Variants in MICALL2 observed in about 807,000 individuals in gnomAD.
The protein encoded by MICALL2 is MICAL-like protein 2.
Under a neutral mutation model 91.1 loss-of-function variants are expected in MICALL2, and 111 were observed. The ratio of observed to expected loss-of-function variants is 1.22; its 90% confidence interval spans 1.04 to 1.43. The LOEUF is 1.43. Ranked by LOEUF, MICALL2 falls within the 40% of genes most tolerant of loss-of-function variation. The pLI is 0.00. For missense variants in MICALL2, 1,556 were observed against 1,236.0 expected, an observed-to-expected ratio of 1.26 and a Z score of -3.88; for synonymous variants, 694 against 525.3, an observed-to-expected ratio of 1.32 and a Z score of -4.39.
intron 1 of MICALL2, among the ~76,000 whole-genome samples, chr7:1,455,661 C>T (rs1290606570): frequency 6.6e-6 from 1 of 151,926 alleles, no homozygotes; most frequent in Non-Finnish European, 1.5e-5. Context: ...GGGGCAGAGG[C>T]AGAACCAGGA....
Position 1,444,895 on chromosome 7 carries a change from CTGAG to C in MICALL2, c.1171_1174del (p.Leu391ValfsTer105), listed in dbSNP as rs755809521. On this transcript the variant is annotated frameshift_variant, in exon 6 of 17. Coordinates refer to ENST00000297508, the MANE Select transcript of MICALL2 (RefSeq NM_182924.4). LOFTEE classifies it high-confidence loss of function. ...CGTGGCTGCAGATGTGGAGCTTGAA[CTGAG>C]TGTGGTTTGAGGAGCTGCCACTCGG... 6.3e-7 allele frequency: 1 copy of C among 1,575,226 alleles called. No homozygotes were observed. Among genetic ancestry groups the C allele is most frequent in the South Asian group, 1.1e-5 (1 of 87,610 alleles).
chr7:1,450,740 G>C (rs1780794692), intron 1 of MICALL2, among the ~76,000 whole-genome samples: 1 of 152,230 alleles, frequency 6.6e-6, no homozygotes, highest in Non-Finnish European at 1.5e-5. Flanking sequence ...TCCCAGGGCA[G>C]GGGACGGCAC....
chr7:1,453,221 T>C (rs1193315330), intron 1 of MICALL2, among the ~76,000 whole-genome samples: 1 of 152,090 alleles, frequency 6.6e-6, no homozygotes, highest in Non-Finnish European at 1.5e-5. Context: ...ACAGGGTCTT[T>C]CTGGAGGTGA....
Position 1,445,330 on chromosome 7 carries a change from G to C in MICALL2, c.740C>G (p.Ser247Cys), listed in dbSNP as rs779224945. ...CAGACCCGTCAACTTGGGGCTTGCA[G>C]AGGCGGCTGCGGGGAGGTGGCTGGT... ...VCTSHLPAAA[S>C]ASPKLTGLVP... The change falls in exon 6 of 17, where the codon TCT (serine) becomes TGT (cysteine). Residue 247 changes from serine (S) to cysteine (C), a missense_variant. Physicochemically the swap from Ser to Cys is moderately radical, Grantham distance 112. Coordinates refer to ENST00000297508, the MANE Select transcript of MICALL2 (RefSeq NM_182924.4). 4 of 1,608,876 alleles carry C rather than the reference G, an allele frequency of 2.5e-6. No individual in the cohort carries two copies. In the African/African-American group the frequency reaches 4.0e-5, roughly 16 times the overall value.
chr7:1,439,026 T>C, intron 9 of MICALL2, 31 bp from the exon 10 acceptor site: 2 of 1,543,910 alleles, frequency 1.3e-6, no homozygotes, highest in South Asian at 2.3e-5. Flanking sequence ...AGAGCCACGC[T>C]TCAGAGCAGG....
At chr7:1,457,467 ACCTGTTC>A (rs1476807884) in intron 1 of MICALL2, among the ~76,000 whole-genome samples, 1 of 151,880 alleles carries the variant, frequency 6.6e-6, no homozygotes, top group Non-Finnish European at 1.5e-5. Context: ...TTATTCATTT[ACCTGTTC>A]CCTGTCTGTC....
rs538221357 is a variant in MICALL2, at chr7:1,436,792, G to T, written c.2541C>A (p.Thr847=). Residue 847 remains threonine (T), a synonymous_variant, in exon 15 of 17, where the codon ACC becomes ACA. Transcript: ENST00000297508. ...CCACGATGTCACTGCGGTCGTTCAC[G>T]GTGCTCACGTACTGCTCCAGCAGCT... ...EQELLEQYVS[T]VNDRSDIVDS... 2.3e-4 allele frequency: 367 copies of T among 1,608,930 alleles called. 4 individuals are homozygous for T. The South Asian group carries it at 3.0e-3, about 13-fold the overall frequency.
Position 1,445,110 on chromosome 7 carries a change from G to A in MICALL2, c.960C>T (p.Ala320=). The A allele has an allele frequency of 1.3e-6, 2 of 1,555,572 alleles. No homozygotes were observed. The highest frequency in any genetic ancestry group is 1.2e-5 in the South Asian group (1 of 84,812). ...SATSVHVRSP[A]RPSESRLAPT... ...GGGCCAGGCGGCTCTCAGAGGGCCT[G>A]GCTGGGCTCCTCACGTGGACGGACG... The change falls in exon 6 of 17, where the codon GCC becomes GCT. Residue 320 remains alanine (A), a synonymous_variant. Transcript: ENST00000297508.
At chr7:1,445,476 G>C (rs987188838) in intron 5 of MICALL2, 48 bp from the exon 6 acceptor site, 1 of 1,433,994 alleles carries the variant, frequency 7.0e-7, no homozygotes, top group Non-Finnish European at 9.2e-7. Flanking sequence ...CGCCCACCCC[G>C]CCACGCATTC....
intron 13 of MICALL2, 25 bp downstream of exon 13, chr7:1,437,865 G>C (rs772415078): frequency 1.3e-6 from 2 of 1,543,508 alleles, no homozygotes; most frequent in Non-Finnish European, 1.8e-6. Context: ...GGCCTTCGAG[G>C]AGGGGCCCAC....
chr7:1,453,570 C>A (rs1780912760), intron 1 of MICALL2, among the ~76,000 whole-genome samples: 1 of 152,152 alleles, frequency 6.6e-6, no homozygotes, highest in Admixed American at 6.5e-5. Context: ...CACCCCTGTC[C>A]TTGCCGGACA....
intron 6 of MICALL2, among the ~76,000 whole-genome samples, chr7:1,443,211 G>A (rs1405765589): frequency 1.4e-5 from 2 of 145,508 alleles, no homozygotes; most frequent in Non-Finnish European, 3.0e-5. Flanking sequence ...CCACCACCTA[G>A]GAAGCACTCC....
chr7:1,447,952 C>A (rs888393410), intron 3 of MICALL2, 187 bp from the exon 4 acceptor site: 7 of 438,550 alleles, frequency 1.6e-5, no homozygotes, highest in Non-Finnish European at 2.8e-5. Flanking sequence ...CCACTCCTTC[C>A]CTCCCCACTC....
At position 1,438,686 on chromosome 7, in the gene MICALL2, G is replaced by A. The variant is rs148413839; in HGVS notation, c.2122+154C>T. The A allele has an allele frequency of 4.5e-3, 6,632 of 1,462,970 alleles. 49 individuals are homozygous for A. Among genetic ancestry groups the A allele is most frequent in the Middle Eastern group, 0.017 (87 of 4,988 alleles). The allele number at this position is 1,462,970 out of a possible 1,614,324, so 90.6% of individuals were successfully genotyped here. The stretch of plus-strand genomic sequence containing the variant: ...AGCTAGGGTCTCTATTCATGAGGGC[G>A]GGCCTGGGGCACGGGGCTGGGTCCT... On this transcript the variant is annotated intron_variant, in intron 10 of 16. Coordinates refer to ENST00000297508, the MANE Select transcript of MICALL2 (RefSeq NM_182924.4).
intron 6 of MICALL2, among the ~76,000 whole-genome samples, chr7:1,443,882 G>A (rs1000415761): frequency 5.3e-5 from 8 of 152,162 alleles, no homozygotes; most frequent in South Asian, 4.1e-4. Context: ...CTGATGCAGC[G>A]CCCCCCTCTA....
Position 1,438,550 on chromosome 7 carries a change from T to C in MICALL2, c.2123-197A>G, listed in dbSNP as rs74301179. ...GTGGCCTCCAGGCCCAGCCCCACCC[T>C]GCACCCTGCCCTCCTCCAGGTCAGC... On this transcript the variant is annotated intron_variant, in intron 10 of 16. Transcript: ENST00000297508. 29,725 of 1,428,476 alleles carry C rather than the reference T, an allele frequency of 0.021. 674 individuals carry two copies. Among genetic ancestry groups the C allele is most frequent in the East Asian group, 0.13 (5,008 of 39,610 alleles). The allele number at this position is 1,428,476 out of a possible 1,614,324, so 88.5% of individuals were successfully genotyped here.
chr7:1,448,731 T>C lies in MICALL2; in HGVS notation c.223A>G (p.Ile75Val). ...AFRVAEEHLGIPALLDAEDMV... is the reference protein window; with the variant it reads ...AFRVAEEHLGVPALLDAEDMV... ...TCCTCGGCATCCAGCAAGGCTGGGA[T>C]GCCCAAGTGCTCCTCGGCCACGCGG... is the stretch of plus-strand genomic sequence containing the variant. The change falls in exon 3 of 17, where the codon ATC (isoleucine) becomes GTC (valine). Residue 75 changes from isoleucine (I) to valine (V), a missense_variant. Coordinates refer to ENST00000297508, the MANE Select transcript of MICALL2 (RefSeq NM_182924.4). The C allele has an allele frequency of 6.2e-7, 1 of 1,612,752 alleles. No homozygotes were observed. The highest frequency in any genetic ancestry group is 8.5e-7 in the Non-Finnish European group (1 of 1,179,914).
At chr7:1,455,681 C>G (rs1010212961) in intron 1 of MICALL2, among the ~76,000 whole-genome samples, 1 of 151,896 alleles carries the variant, frequency 6.6e-6, no homozygotes, top group Non-Finnish European at 1.5e-5. Context: ...AGCCCGGGTG[C>G]CCCACCTGGC....
intron 1 of MICALL2, among the ~76,000 whole-genome samples, chr7:1,455,132 A>G (rs1477447460): frequency 2.6e-5 from 4 of 152,148 alleles, no homozygotes; most frequent in African/African-American, 9.7e-5. Context: ...CCCTCCCTCC[A>G]GCCCTGCTCC....
Sources: gnomAD v4.1 joint callset for allele counts (sites outside exome capture counted in the v4.1 genomes callset) on GRCh38, gnomAD v4.1.1 for gene constraint, MANE v1.5 for transcripts, NCBI Gene and HGNC (gene_info 2026-07-23, HGNC 2026-07-21) for gene names.